The following SYCE2 variants were observed in gnomAD, a reference collection of about 807,000 sequenced individuals.
SYCE2 encodes synaptonemal complex central element protein 2, also known as central element synaptonemal complex 1.
Under a neutral mutation model 27.9 loss-of-function variants are expected in SYCE2, and 3 were observed. That is an observed-to-expected ratio of 0.11 (90% confidence interval 0.05 to 0.28). The LOEUF (loss-of-function observed/expected upper bound fraction) is 0.28. SYCE2 is among the 10% of genes least tolerant of loss of function. The pLI, the probability that SYCE2 is intolerant of heterozygous loss-of-function variation, is 1.00. For missense variants in SYCE2, 207 were observed against 263.5 expected, an observed-to-expected ratio of 0.79 and a Z score of 1.48; for synonymous variants, 85 against 100.7, an observed-to-expected ratio of 0.84 and a Z score of 0.93.
chr19:12,900,254 G>C (rs946738645), intron 4 of SYCE2, 134 bp from the exon 5 acceptor site: 9 of 1,194,208 alleles, frequency 7.5e-6, no homozygotes, highest in Non-Finnish European at 1.0e-5. Context: ...ACAACAGTGG[G>C]ACATGACAAC....
At chr19:12,916,612 C>T (rs1345538239) in intron 2 of SYCE2, among the ~76,000 whole-genome samples, 1 of 152,010 alleles carries the variant, frequency 6.6e-6, no homozygotes, top group Non-Finnish European at 1.5e-5. Context: ...ACATTATTCA[C>T]TTATTTATTT....
intron 2 of SYCE2, among the ~76,000 whole-genome samples, chr19:12,905,635 GCTTT>G (rs1186698687): frequency 6.7e-6 from 1 of 149,992 alleles, no homozygotes; most frequent in African/African-American, 2.5e-5. Flanking sequence ...CCAGCCCAAT[GCTTT>G]CTTTCTTATT....
chr19:12,903,707 G>A (rs1327893527), intron 3 of SYCE2, among the ~76,000 whole-genome samples: 3 of 151,900 alleles, frequency 2.0e-5, no homozygotes, highest in South Asian at 2.1e-4. Context: ...TTTTTGAGAC[G>A]AAATCTTGCT....
chr19:12,914,052 C>T (rs1599641469), intron 2 of SYCE2: 3 of 152,454 alleles, frequency 2.0e-5, no homozygotes, highest in African/African-American at 7.2e-5. Context: ...GAACCATCTC[C>T]AGACCCTCAC....
chr19:12,900,833 C>T (rs1025779943), intron 3 of SYCE2, among the ~76,000 whole-genome samples, 185 bp from the exon 4 acceptor site: 8 of 152,216 alleles, frequency 5.3e-5, no homozygotes, highest in African/African-American at 1.9e-4. Context: ...TACTTGAGGC[C>T]AGGAGTTCAA....
chr19:12,918,416 C>T (rs890549966), intron 1 of SYCE2, 79 bp from the exon 2 acceptor site: 2 of 1,330,584 alleles, frequency 1.5e-6, no homozygotes, highest in Non-Finnish European at 2.1e-6. Context: ...CCCTTCAACC[C>T]TGGTCACCTC....
chr19:12,911,353 G>A (rs767025312), intron 2 of SYCE2, among the ~76,000 whole-genome samples: 9 of 152,132 alleles, frequency 5.9e-5, no homozygotes, highest in African/African-American at 7.2e-5. Context: ...ACAAGATCAA[G>A]TCTAAATTCC....
chr19:12,901,779 C>A (rs1225861926), intron 3 of SYCE2, among the ~76,000 whole-genome samples: 1 of 151,870 alleles, frequency 6.6e-6, no homozygotes, highest in Non-Finnish European at 1.5e-5. Flanking sequence ...CCACACCCAG[C>A]TAACTTTTTG....
chr19:12,903,822 T>C (rs917352224), intron 3 of SYCE2, among the ~76,000 whole-genome samples: 4 of 152,168 alleles, frequency 2.6e-5, no homozygotes, highest in African/African-American at 7.2e-5. Context: ...GGTCTCGAAC[T>C]CCTGGCCTCA....
intron 3 of SYCE2, among the ~76,000 whole-genome samples, chr19:12,903,730 C>A (rs1157728362): frequency 6.6e-6 from 1 of 151,886 alleles, no homozygotes; most frequent in East Asian, 1.9e-4. Flanking sequence ...CTAGCCCAGG[C>A]TGCAGTGCCG....
At chr19:12,900,174 A>C in intron 4 of SYCE2, 54 bp from the exon 5 acceptor site, 1 of 1,560,170 alleles carries the variant, frequency 6.4e-7, no homozygotes, top group Non-Finnish European at 8.7e-7. Flanking sequence ...GGCTGTGGGC[A>C]GAGGGGATGA....
In SYCE2 at chr19:12,900,124, TA is replaced by T; in HGVS notation, c.496-5del. 1 of 1,599,464 alleles carries T rather than the reference TA, an allele frequency of 6.3e-7. No individual in the cohort carries two copies. The highest frequency in any genetic ancestry group is 1.1e-5 in the South Asian group (1 of 89,836). ...CCCATCTGAGTCTTAGGCTCTGCTGTAAAAAAGAAACCCAGGTTAGCAGTGC... is the reference window on the plus strand; with the variant it reads ...CCCATCTGAGTCTTAGGCTCTGCTGTAAAAAGAAACCCAGGTTAGCAGTGC... On this transcript the variant is annotated splice_region_variant and splice_polypyrimidine_tract_variant and intron_variant, in intron 4 of 5. Coordinates refer to ENST00000293695, the MANE Select transcript of SYCE2 (RefSeq NM_001105578.2).
Position 12,918,209 on chromosome 19 carries a change from G to A in SYCE2, c.131+13C>T, listed in dbSNP as rs1279406701. ...GGGCCTGTGTAGACCCATAGGGCTG[G>A]GATCTTCCTCACCTAGCTGGCCCTC... On this transcript the variant is annotated intron_variant, in intron 2 of 5. Coordinates refer to ENST00000293695, the MANE Select transcript of SYCE2 (RefSeq NM_001105578.2). 6.2e-7 allele frequency: 1 copy of A among 1,610,998 alleles called. No homozygotes were observed. Among genetic ancestry groups the A allele is most frequent in the African/African-American group, 1.3e-5 (1 of 74,952 alleles).
intron 1 of SYCE2, among the ~76,000 whole-genome samples, 190 bp downstream of exon 1, chr19:12,919,053 C>G (rs1380506158): frequency 2.0e-5 from 3 of 152,028 alleles, no homozygotes; most frequent in Non-Finnish European, 4.4e-5. Flanking sequence ...GAAATCAGAC[C>G]CGTCAGTGCG....
chr19:12,900,093 C>T lies in SYCE2; in HGVS notation c.523G>A (p.Asp175Asn), dbSNP rs1970804653. ...GGTGGGGACTTTCCCCTAGAGTGGTCTGGCCCCCATCTGAGTCTTAGGCTC... is the reference window on the plus strand; with the variant it reads ...GGTGGGGACTTTCCCCTAGAGTGGTTTGGCCCCCATCTGAGTCTTAGGCTC... ...EQSLRLRWGP[D>N]HSRGKSPPRP... Residue 175 changes from aspartate to asparagine, a missense_variant, in exon 5 of 6, where the codon GAC becomes AAC. Coordinates refer to ENST00000293695, the MANE Select transcript of SYCE2 (RefSeq NM_001105578.2). 1 of 1,613,142 alleles carries T rather than the reference C, an allele frequency of 6.2e-7. No homozygotes were observed. The highest frequency in any genetic ancestry group is 8.5e-7 in the Non-Finnish European group (1 of 1,179,842).
At chr19:12,911,687 G>A (rs544830517) in intron 2 of SYCE2, among the ~76,000 whole-genome samples, 95 of 144,044 alleles carry the variant, frequency 6.6e-4, no homozygotes, top group Middle Eastern at 3.9e-3. Context: ...CCACGATCTC[G>A]GCTCACTGCA....
At chr19:12,899,791 C>T (rs1317524207) in intron 5 of SYCE2, 1 of 1,591,760 alleles carries the variant, frequency 6.3e-7, no homozygotes, top group Admixed American at 1.7e-5. Flanking sequence ...ACTCCATTTA[C>T]CCTGAAATAG....
At chr19:12,899,901 G>A in intron 5 of SYCE2, 103 bp downstream of exon 5, 1 of 1,601,192 alleles carries the variant, frequency 6.2e-7, no homozygotes, top group South Asian at 1.1e-5. Context: ...CCTCCCATCT[G>A]GGGGTAGTGC....
At chr19:12,916,723 G>C (rs1971145039) in intron 2 of SYCE2, among the ~76,000 whole-genome samples, 1 of 152,048 alleles carries the variant, frequency 6.6e-6, no homozygotes, top group African/African-American at 2.4e-5. Context: ...AGCCTTCCAA[G>C]TAGCTAGGGC....
Sources: allele counts gnomAD v4.1 joint callset (sites outside exome capture counted in the v4.1 genomes callset), GRCh38; gene constraint gnomAD v4.1.1; transcripts MANE v1.5; gene names NCBI Gene and HGNC (gene_info 2026-07-23, HGNC 2026-07-21).